The following PDE1C variants were observed in gnomAD, a reference collection of about 807,000 sequenced individuals.
PDE1C encodes the protein dual specificity calcium/calmodulin-dependent 3',5'-cyclic nucleotide phosphodiesterase 1C.
A neutral mutation model predicts 93.1 loss-of-function variants in PDE1C; 62 were observed. The ratio of observed to expected loss-of-function variants is 0.67; its 90% CI spans 0.54 to 0.82. The LOEUF is 0.82. Among genes scored for constraint, PDE1C ranks in the 40% least tolerant of loss-of-function variants. The pLI, the probability that PDE1C is intolerant of heterozygous loss-of-function variation, is 0.00. For missense variants in PDE1C, 742 were observed against 884.6 expected (o/e 0.84, Z 2.04); for synonymous variants, 325 against 310.1 (o/e 1.05, Z -0.50).
At chr7:32,038,140 G>A (rs1380733479) in intron 2 of PDE1C, among the ~76,000 whole-genome samples, 1 of 152,132 alleles carries the variant, frequency 6.6e-6, no homozygotes, top group African/African-American at 2.4e-5. Flanking sequence ...AGTAGTAGGT[G>A]ACACCTAGAA....
intron 1 of PDE1C, among the ~76,000 whole-genome samples, chr7:32,385,929 G>A (rs2128091495): frequency 6.6e-6 from 1 of 152,176 alleles, no homozygotes; most frequent in Admixed American, 6.5e-5. Context: ...CTACTGGTCT[G>A]GGCTCCTTGA....
chr7:32,277,358 T>A (rs1468549788), intron 1 of PDE1C, among the ~76,000 whole-genome samples: 1 of 152,212 alleles, frequency 6.6e-6, no homozygotes, highest in African/African-American at 2.4e-5. Flanking sequence ...AAACCCACTT[T>A]TATTAAGTCT....
intron 16 of PDE1C, among the ~76,000 whole-genome samples, chr7:31,792,368 G>T (rs865864254): frequency 6.6e-6 from 1 of 152,092 alleles, no homozygotes; most frequent in South Asian, 2.1e-4. Flanking sequence ...TGAAAAAGAA[G>T]AGAATTGAAT....
At chr7:31,987,960 T>C (rs1159856623) in intron 2 of PDE1C, among the ~76,000 whole-genome samples, 1 of 152,228 alleles carries the variant, frequency 6.6e-6, no homozygotes, top group Non-Finnish European at 1.5e-5. Context: ...GCTGGCTCTC[T>C]GGCCCTCTGG....
intron 1 of PDE1C, among the ~76,000 whole-genome samples, chr7:32,263,133 C>G (rs1810333343): frequency 6.6e-6 from 1 of 152,184 alleles, no homozygotes; most frequent in Non-Finnish European, 1.5e-5. Flanking sequence ...CCCTGCTAAC[C>G]CAGGTCTCTG....
intron 2 of PDE1C, among the ~76,000 whole-genome samples, chr7:31,954,897 T>G (rs1020224108): frequency 6.6e-6 from 1 of 152,234 alleles, no homozygotes; most frequent in Non-Finnish European, 1.5e-5. Context: ...TAAGTTTGAA[T>G]GTTGATTCTG....
intron 1 of PDE1C, among the ~76,000 whole-genome samples, chr7:32,418,794 A>G (rs1785327854): frequency 6.6e-6 from 1 of 152,242 alleles, no homozygotes; most frequent in Admixed American, 6.5e-5. Context: ...GAGCAGCCAG[A>G]CAGGGCATGA....
intron 1 of PDE1C, among the ~76,000 whole-genome samples, chr7:32,284,607 C>T (rs999518436): frequency 9.9e-5 from 15 of 152,212 alleles, no homozygotes; most frequent in Admixed American, 9.2e-4. Context: ...TCACACTACT[C>T]TTATACATGG....
Position 31,880,814 on chromosome 7 carries a change from C to A in PDE1C, c.175G>T (p.Val59Leu). Reference protein sequence around the residue: ...KQLERGEASVVDLKKNLEYAA... With the variant: ...KQLERGEASVLDLKKNLEYAA... Reference sequence around the variant, plus strand: ...TATTCCAAATTCTTCTTAAGATCTACCACTGAAGCTTCCCCTCTCTCTAAT... The same window carrying A: ...TATTCCAAATTCTTCTTAAGATCTAACACTGAAGCTTCCCCTCTCTCTAAT... The change falls in exon 3 of 18, where the codon GTA (valine) becomes TTA (leucine). Residue 59 changes from valine to leucine, a missense_variant. Transcript: ENST00000396191. The A allele has an allele frequency of 6.2e-7, 1 of 1,612,100 alleles. No individual in the cohort carries two copies. The highest frequency in any genetic ancestry group is 8.5e-7 in the Non-Finnish European group (1 of 1,178,346).
Position 31,878,019 on chromosome 7 carries a change from G to T in PDE1C, c.443C>A (p.Ser148Ter). The change falls in exon 5 of 18, where the codon TCA becomes TAA. Residue 148 changes from serine (S) to a stop codon, truncating the protein, a stop_gained. Coordinates refer to ENST00000396191, the MANE Select transcript of PDE1C (RefSeq NM_001191057.4). LOFTEE classifies it high-confidence loss of function. ...TGGATAGCTCAGTCCAACCATGTTT[G>T]ATGTCCGTCTATACATTCTGAAAAG... ...IFVERMYRRT[S>*]NMVGLSYPPA... 1 of 1,612,574 alleles carries T rather than the reference G, an allele frequency of 6.2e-7. No individual in the cohort carries two copies. The highest frequency in any genetic ancestry group is 8.5e-7 in the Non-Finnish European group (1 of 1,179,112).
chr7:31,878,150 AG>A (rs1796823040), intron 4 of PDE1C, 114 bp from the exon 5 acceptor site: 1 of 648,590 alleles, frequency 1.5e-6, no homozygotes, highest in South Asian at 2.1e-5. Flanking sequence ...GGTGATCCAA[AG>A]AACCTAAAAT....
intron 1 of PDE1C, among the ~76,000 whole-genome samples, chr7:32,259,694 G>T (rs140778808): frequency 8.4e-4 from 128 of 152,282 alleles, no homozygotes; most frequent in African/African-American, 2.9e-3. Context: ...CAGCCCCAGA[G>T]AAATTCCTTG....
chr7:31,698,063 T>G, the PDE1C span, among the ~76,000 whole-genome samples: 2 of 152,334 alleles, frequency 1.3e-5, no homozygotes, highest in South Asian at 4.2e-4. Context: ...AACCTAGGTC[T>G]ATCTCACCTT....
chr7:32,124,053 CACAA>C (rs1425624688), intron 3 of PDE1C, among the ~76,000 whole-genome samples: 1 of 152,142 alleles, frequency 6.6e-6, no homozygotes, highest in Non-Finnish European at 1.5e-5. Context: ...CATTCCTTTA[CACAA>C]ACAATTGACA....
chr7:32,312,234 C>A (rs893435189), intron 1 of PDE1C, among the ~76,000 whole-genome samples: 2 of 152,100 alleles, frequency 1.3e-5, no homozygotes, highest in African/African-American at 4.8e-5. Context: ...AACTACAAAC[C>A]ACTGCTCAAG....
At chr7:31,700,898 T>G in the PDE1C span, among the ~76,000 whole-genome samples, 7 of 152,144 alleles carry the variant, frequency 4.6e-5, no homozygotes, top group Non-Finnish European at 1.0e-4. Context: ...TTAGACCTAC[T>G]GCTCCAAAAA....
chr7:32,314,250 G>A (rs1585104326), intron 1 of PDE1C, among the ~76,000 whole-genome samples: 1 of 152,054 alleles, frequency 6.6e-6, no homozygotes, highest in East Asian at 1.9e-4. Context: ...GCATTATCTT[G>A]TAACATGATT....
At chr7:32,231,938 A>T (rs1015329148) in intron 1 of PDE1C, among the ~76,000 whole-genome samples, 2 of 147,142 alleles carry the variant, frequency 1.4e-5, no homozygotes, top group East Asian at 4.0e-4. Context: ...AATCGTGATT[A>T]AAACAAATAA....
intron 2 of PDE1C, among the ~76,000 whole-genome samples, chr7:32,018,959 C>T (rs1459776417): frequency 1.3e-5 from 2 of 152,014 alleles, no homozygotes; most frequent in Non-Finnish European, 2.9e-5. Context: ...AGATCTCCTA[C>T]TGTACCATGG....
Sources: gnomAD v4.1 joint callset for allele counts (sites outside exome capture counted in the v4.1 genomes callset) on GRCh38, gnomAD v4.1.1 for gene constraint, MANE v1.5 for transcripts, NCBI Gene and HGNC (gene_info 2026-07-23, HGNC 2026-07-21) for gene names.